Variants in RPL24 observed in about 807,000 individuals in gnomAD.
The protein encoded by RPL24 is ribosomal protein L24.
RPL24 carries 7 observed loss-of-function variants against 26.4 expected under a neutral mutation model. That is an observed-to-expected ratio of 0.27 (90% CI 0.15 to 0.50). RPL24 has a LOEUF of 0.50. Among genes scored for constraint, RPL24 ranks in the 20% least tolerant of loss-of-function variants. RPL24 has a pLI of 0.98. For synonymous variants in RPL24, 67 were observed against 65.2 expected (o/e 1.03, Z -0.13); for missense variants, 109 against 194.9 (o/e 0.56, Z 2.62).
intron 3 of RPL24, among the ~76,000 whole-genome samples, chr3:101,684,049 C>G (rs1937298212): frequency 6.6e-6 from 1 of 152,064 alleles, no homozygotes; most frequent in South Asian, 2.1e-4. Context: ...GGGGTCTTCA[C>G]TACTATGTTG....
In RPL24 at chr3:101,685,897, G is replaced by A. The variant is rs11558558; in HGVS notation, c.113C>T (p.Ser38Leu). 2 of 1,613,750 alleles carry A rather than the reference G, an allele frequency of 1.2e-6. No individual in the cohort carries two copies. Among genetic ancestry groups the A allele is most frequent in the East Asian group, 2.2e-5 (1 of 44,882 alleles). Residue 38 changes from serine (S) to leucine (L), a missense_variant, in exon 3 of 6, where the codon TCG becomes TTG. By Grantham distance (145) the Ser-to-Leu change is moderately radical. Around this residue, in one of 3 missense-constraint regions of RPL24, gnomAD observed 69 missense variants for 96.2 expected, o/e 0.72. Transcript: ENST00000394077. ...AGGATTCCTCTTGGAAAGGAAAGCC[G>A]ACTCGCATTTCGCATTAAGAAACTG... is the stretch of plus-strand genomic sequence containing the variant. ...VFQFLNAKCE[S>L]AFLSKRNPRQ...
chr3:101,681,337 A>T, intron 5 of RPL24, 122 bp from the exon 6 acceptor site: 1 of 692,978 alleles, frequency 1.4e-6, no homozygotes, highest in Non-Finnish European at 2.6e-6. Context: ...CTGCATTCCT[A>T]ATGCCAATCT....
chr3:101,682,498 G>T lies in RPL24; in HGVS notation c.330-6C>A, dbSNP rs1207600206. The T allele has an allele frequency of 5.6e-6, 9 of 1,610,678 alleles. No homozygotes were observed. Among genetic ancestry groups the T allele is most frequent in the Non-Finnish European group, 7.6e-6 (9 of 1,178,558 alleles). ...TTTTTGCTTCCTTAGCAGCCCTGTG[G>T]GGTAAAAGTAACTTAAGGCAAAAGC... On this transcript the variant is annotated splice_polypyrimidine_tract_variant and splice_region_variant and intron_variant, in intron 4 of 5. Transcript: ENST00000394077.
Position 101,681,099 on chromosome 3 carries a change from T to C in RPL24, c.*36A>G, listed in dbSNP as rs768689678. ...AAAAATCCAGCACAACCTAGAGTTA[T>C]AATCCAATCTTTATTTAAAAATCTA... On this transcript the variant is annotated 3_prime_UTR_variant, in exon 6 of 6. Transcript: ENST00000394077. 6.9e-6 allele frequency: 10 copies of C among 1,458,746 alleles called. No individual in the cohort carries two copies. In the Admixed American group the frequency reaches 8.4e-5, roughly 12 times the overall value. 90.4% of individuals were successfully genotyped at this position (1,458,746 alleles called of 1,614,324 possible). A position where few individuals can be genotyped will look rare whatever the true frequency, so the allele number is the denominator to read the frequency against.
At chr3:101,686,617 G>C (rs773077250) in intron 1 of RPL24, 55 bp downstream of exon 1, 31 of 1,613,928 alleles carry the variant, frequency 1.9e-5, no homozygotes, top group African/African-American at 1.1e-4. Flanking sequence ...AGGGACGACA[G>C]AGAGGAGTTC....
At chr3:101,684,052 C>T (rs1937298256) in intron 3 of RPL24, among the ~76,000 whole-genome samples, 1 of 152,062 alleles carries the variant, frequency 6.6e-6, no homozygotes, top group South Asian at 2.1e-4. Flanking sequence ...GTCTTCACTA[C>T]TATGTTGCCA....
intron 3 of RPL24, among the ~76,000 whole-genome samples, chr3:101,684,679 G>A (rs958255093): frequency 2.7e-5 from 4 of 149,268 alleles, no homozygotes; most frequent in East Asian, 2.0e-4. Flanking sequence ...CGGGGTAGGC[G>A]GAGGTGGGAG....
In RPL24 at chr3:101,685,850, G is replaced by C; in HGVS notation, c.160C>G (p.Leu54Val). ...RNPRQINWTVLYRRKHKKGQS... is the reference protein window; with the variant it reads ...RNPRQINWTVVYRRKHKKGQS... Reference sequence around the variant, plus strand: ...CCCTTTTTGTGCTTCCTTCTGTAGAGGACAGTCCAGTTTATCTGCCGAGGA... The same window carrying C: ...CCCTTTTTGTGCTTCCTTCTGTAGACGACAGTCCAGTTTATCTGCCGAGGA... Residue 54 changes from leucine (L) to valine (V), a missense_variant, in exon 3 of 6, where the codon CTC (leucine) becomes GTC (valine). Coordinates refer to ENST00000394077, the MANE Select transcript of RPL24 (RefSeq NM_000986.4). 1 of 1,613,076 alleles carries C rather than the reference G, an allele frequency of 6.2e-7. No individual in the cohort carries two copies. Among genetic ancestry groups the C allele is most frequent in the Non-Finnish European group, 8.5e-7 (1 of 1,179,090 alleles).
intron 1 of RPL24, 51 bp downstream of exon 1, chr3:101,686,618 AGAG>A (rs1351141491): frequency 2.9e-5 from 47 of 1,614,156 alleles, no homozygotes; most frequent in East Asian, 2.9e-4. Context: ...GGGACGACAG[AGAG>A]GAGTTCTGCC....
intron 4 of RPL24, 41 bp from the exon 5 acceptor site, chr3:101,682,533 C>G: frequency 2.0e-6 from 3 of 1,494,788 alleles, no homozygotes; most frequent in Non-Finnish European, 2.8e-6. Context: ...CACTTTACTC[C>G]TTAGTGGTAC....
At chr3:101,683,503 C>T (rs564395507) in intron 3 of RPL24, among the ~76,000 whole-genome samples, 1 of 152,264 alleles carries the variant, frequency 6.6e-6, no homozygotes, top group South Asian at 2.1e-4. Flanking sequence ...AAAAATAAGG[C>T]ACATTGGTGG....
intron 2 of RPL24, chr3:101,686,183 G>A (rs1303650878): frequency 1.7e-6 from 1 of 574,124 alleles, no homozygotes; most frequent in African/African-American, 1.9e-5. Context: ...CGTCCTTCTG[G>A]GAAGCATTCT....
At chr3:101,685,951 AT>A in intron 2 of RPL24, 23 bp from the exon 3 acceptor site, 1 of 1,445,814 alleles carries the variant, frequency 6.9e-7, no homozygotes, top group Non-Finnish European at 9.7e-7. Flanking sequence ...ATGCAAAGGA[AT>A]TACTATTTAA....
chr3:101,683,707 CTTTTTTTT>C (rs541871888), intron 3 of RPL24, among the ~76,000 whole-genome samples: 3 of 130,852 alleles, frequency 2.3e-5, no homozygotes, highest in South Asian at 4.8e-4. Flanking sequence ...TTTTTCTTTT[CTTTTTTTT>C]TTTTTTTTTT....
chr3:101,683,703 TTTTC>T (rs1345205187), intron 3 of RPL24, among the ~76,000 whole-genome samples: 5 of 147,634 alleles, frequency 3.4e-5, no homozygotes, highest in East Asian at 3.9e-4. Context: ...TTGGTTTTTC[TTTTC>T]TTTTTTTTTT....
At chr3:101,684,427 C>CAA (rs1937304345) in intron 3 of RPL24, among the ~76,000 whole-genome samples, 2 of 152,124 alleles carry the variant, frequency 1.3e-5, no homozygotes, top group African/African-American at 4.8e-5. Flanking sequence ...TTTGGCCTCC[C>CAA]AAAGTGCTGG....
chr3:101,683,991 C>T (rs932046057), intron 3 of RPL24, among the ~76,000 whole-genome samples: 36 of 152,010 alleles, frequency 2.4e-4, no homozygotes, highest in African/African-American at 8.5e-4. Flanking sequence ...GAATTACAGG[C>T]GTGAGCCACC....
rs930501770 is a variant in RPL24 at position 101,684,167 on chromosome 3, CTT to C, written c.193-1262_193-1261del. On this transcript the variant is annotated intron_variant, in intron 3 of 5. Transcript: ENST00000394077. ...AGGCACTGCACTAGGCCCATTTTAA[CTT>C]TTTTTTTTTTTTTTAAATGGAGCCT... 2.7e-3 allele frequency among the ~76,000 whole-genome samples: 373 copies of C among 137,994 alleles called. 1 individual carries two copies. Among genetic ancestry groups the C allele is most frequent in the African/African-American group, 8.8e-3 (331 of 37,596 alleles). 90.5% of individuals were successfully genotyped at this position (137,994 alleles called of 152,430 possible). A position where few individuals can be genotyped will look rare whatever the true frequency, so the allele number is the denominator to read the frequency against.
rs57278210 is a variant in RPL24, at chr3:101,684,776, C to CAAAAAAAAAAAAAAAAAAAAAAAAA, written c.192+1017_192+1041dup. On this transcript the variant is annotated intron_variant, in intron 3 of 5. Coordinates refer to ENST00000394077, the MANE Select transcript of RPL24 (RefSeq NM_000986.4). Reference sequence around the variant, plus strand: ...CTGAGCAACAGAGGACCTGTCTCCCCAAAAAAAAAAAAAAAAAAAAAAAAA... The same window carrying CAAAAAAAAAAAAAAAAAAAAAAAAA: ...CTGAGCAACAGAGGACCTGTCTCCCCAAAAAAAAAAAAAAAAAAAAAAAAAAAAAAAAAAAAAAAAAAAAAAAAAA... 4.7e-4 allele frequency among the ~76,000 whole-genome samples: 25 copies of CAAAAAAAAAAAAAAAAAAAAAAAAA among 53,208 alleles called. 1 individual carries two copies. The highest frequency in any genetic ancestry group is 1.1e-3 in the Admixed American group (4 of 3,522). The allele number at this position is 53,208 out of a possible 152,430, so 34.9% of individuals were successfully genotyped here.
Sources: gnomAD v4.1 joint callset for allele counts (sites outside exome capture counted in the v4.1 genomes callset) on GRCh38, gnomAD v4.1.1 for gene constraint, gnomAD v4.1.1 regional missense constraint, MANE v1.5 for transcripts, NCBI Gene and HGNC (gene_info 2026-07-23, HGNC 2026-07-21) for gene names.